Variants in GRID2 observed in about 807,000 individuals in gnomAD.
GRID2 encodes the protein glutamate ionotropic receptor delta type subunit 2.
Under a neutral mutation model 114.8 loss-of-function variants are expected in GRID2, and 33 were observed. The observed-to-expected ratio is 0.29, with a 90% CI of 0.22 to 0.38. GRID2 has a LOEUF of 0.38. GRID2 is among the 10% of genes least tolerant of loss of function. The pLI is 1.00. For synonymous variants in GRID2, 505 were observed against 449.9 expected, an observed-to-expected ratio of 1.12 and a Z score of -1.55; for missense variants, 1,184 against 1,257.7, an observed-to-expected ratio of 0.94 and a Z score of 0.89.
chr4:93,651,809 T>G (rs1426129881), intron 14 of GRID2, among the ~76,000 whole-genome samples: 1 of 152,168 alleles, frequency 6.6e-6, no homozygotes, highest in African/African-American at 2.4e-5. Context: ...AACCACCTAC[T>G]AAATGCCAGA....
intron 14 of GRID2, among the ~76,000 whole-genome samples, chr4:93,675,356 A>G (rs1020390201): frequency 1.3e-5 from 2 of 152,176 alleles, no homozygotes; most frequent in Non-Finnish European, 2.9e-5. Context: ...CATAATAGTA[A>G]CTTGTGAGTA....
chr4:92,326,028 CTT>C (rs1726578782), intron 1 of GRID2, among the ~76,000 whole-genome samples: 1 of 151,592 alleles, frequency 6.6e-6, no homozygotes, highest in East Asian at 1.9e-4. Flanking sequence ...GAAAAGTATG[CTT>C]ACATGAAAAA....
At position 93,024,928 on chromosome 4, in the gene GRID2, T is replaced by C. The variant is rs189990829; in HGVS notation, c.245-60067T>C. Among the ~76,000 whole-genome samples the C allele has an allele frequency of 2.2e-4, 34 of 151,890 alleles. No individual in the cohort carries two copies. The East Asian group carries it at 6.0e-3, about 27-fold the overall frequency. On this transcript the variant is annotated intron_variant, in intron 2 of 15. Transcript: ENST00000282020. ...GAGAAAAAAGAGAAGACCAGCTGTT[T>C]TATCTCTGTGAAGCAGAGAAATGAT...
intron 2 of GRID2, among the ~76,000 whole-genome samples, chr4:92,612,800 A>C (rs996388383): frequency 1.3e-5 from 2 of 151,344 alleles, no homozygotes; most frequent in Non-Finnish European, 3.0e-5. Flanking sequence ...GCCATGAGGA[A>C]CTCAATTGTT....
At chr4:93,280,694 T>A (rs1238011768) in intron 8 of GRID2, among the ~76,000 whole-genome samples, 1 of 151,994 alleles carries the variant, frequency 6.6e-6, no homozygotes. Context: ...TAATCCTGAT[T>A]ATGGGAAACA....
At chr4:92,391,273 C>G (rs1394863716) in intron 1 of GRID2, among the ~76,000 whole-genome samples, 1 of 152,036 alleles carries the variant, frequency 6.6e-6, no homozygotes, top group Non-Finnish European at 1.5e-5. Flanking sequence ...GTTAAACTTC[C>G]AAGGCTCTTT....
At chr4:93,646,094 AACAAGACTG>A (rs1289231526) in intron 14 of GRID2, among the ~76,000 whole-genome samples, 3 of 152,212 alleles carry the variant, frequency 2.0e-5, no homozygotes, top group Non-Finnish European at 4.4e-5. Context: ...TAAAACAGTG[AACAAGACTG>A]ACAAGATTAT....
intron 2 of GRID2, among the ~76,000 whole-genome samples, chr4:93,000,328 C>G (rs1378717118): frequency 2.6e-5 from 4 of 151,578 alleles, no homozygotes; most frequent in Non-Finnish European, 5.9e-5. Flanking sequence ...AATCTGACAT[C>G]AGATTTTCAA....
chr4:93,590,266 T>C (rs1474940516), intron 13 of GRID2, among the ~76,000 whole-genome samples: 4 of 150,652 alleles, frequency 2.7e-5, no homozygotes, highest in Non-Finnish European at 1.5e-5. Flanking sequence ...TTCAGCTTTC[T>C]ACATATGGCT....
chr4:92,507,353 G>T (rs1483662413), intron 1 of GRID2, among the ~76,000 whole-genome samples: 10 of 151,556 alleles, frequency 6.6e-5, no homozygotes, highest in Non-Finnish European at 1.5e-4. Flanking sequence ...CATTGAAAAT[G>T]AAAAATTATA....
chr4:93,803,807 T>C (rs1004998129), intron 1 of GRID2, among the ~76,000 whole-genome samples: 4 of 152,230 alleles, frequency 2.6e-5, no homozygotes, highest in African/African-American at 9.6e-5. Context: ...TAAAATTGCT[T>C]ACCTTTTTCT....
Position 93,146,377 on chromosome 4 carries a change from A to G in GRID2, c.735+35424A>G, listed in dbSNP as rs74909036. Among the ~76,000 whole-genome samples the G allele has an allele frequency of 2.0e-3, 303 of 152,306 alleles. 1 individual carries two copies. The highest frequency in any genetic ancestry group is 6.7e-3 in the African/African-American group (277 of 41,562). ...ATTCAATTTTGATAAAAATTGAGTCAATGATGAAAGCGCATCCTGTAAGCT... is the reference window on the plus strand; with the variant it reads ...ATTCAATTTTGATAAAAATTGAGTCGATGATGAAAGCGCATCCTGTAAGCT... On this transcript the variant is annotated intron_variant, in intron 4 of 15. Transcript: ENST00000282020.
At chr4:93,440,667 T>G (rs1193055750) in intron 10 of GRID2, among the ~76,000 whole-genome samples, 1 of 152,100 alleles carries the variant, frequency 6.6e-6, no homozygotes, top group African/African-American at 2.4e-5. Flanking sequence ...TATTTGTTGT[T>G]GATAAGGAAG....
rs139231359 is a variant in GRID2, at chr4:92,868,601, A to G, written c.245-216394A>G. 3.8e-3 allele frequency among the ~76,000 whole-genome samples: 581 copies of G among 152,240 alleles called. 2 individuals are homozygous for G. The highest frequency in any genetic ancestry group is 0.014 in the African/African-American group (563 of 41,570). On this transcript the variant is annotated intron_variant, in intron 2 of 15. Coordinates refer to ENST00000282020, the MANE Select transcript of GRID2 (RefSeq NM_001510.4). Reference sequence around the variant, plus strand: ...AATCAGTATGTTGACATTATTTGTGACTAGTTTCTAAATTGTGCCATCTTT... The same window carrying G: ...AATCAGTATGTTGACATTATTTGTGGCTAGTTTCTAAATTGTGCCATCTTT...
intron 3 of GRID2, among the ~76,000 whole-genome samples, chr4:93,103,261 C>T (rs968253172): frequency 6.6e-6 from 1 of 152,046 alleles, no homozygotes; most frequent in African/African-American, 2.4e-5. Flanking sequence ...CGTAGCCTCC[C>T]TCTGCTGGCT....
intron 2 of GRID2, among the ~76,000 whole-genome samples, chr4:93,002,774 A>T (rs1721135488): frequency 6.6e-6 from 1 of 151,818 alleles, no homozygotes; most frequent in Non-Finnish European, 1.5e-5. Context: ...TCTGTGGCAT[A>T]AAACAGTGCT....
intron 13 of GRID2, among the ~76,000 whole-genome samples, chr4:93,592,435 T>A (rs988415485): frequency 3.3e-4 from 50 of 152,218 alleles, no homozygotes; most frequent in African/African-American, 1.1e-3. Flanking sequence ...TTTGTTATAA[T>A]TTCTGTTCTT....
rs1561086976 is a variant in GRID2 at position 93,286,692 on chromosome 4, G to GTGTGTGT, written c.1245+48202_1245+48203insTGTGTGT. 2.1e-3 allele frequency among the ~76,000 whole-genome samples: 299 copies of GTGTGTGT among 141,436 alleles called. 4 individuals are homozygous for GTGTGTGT. The highest frequency in any genetic ancestry group is 8.6e-3 in the African/African-American group (285 of 33,264). The allele number at this position is 141,436 out of a possible 152,430, so 92.8% of individuals were successfully genotyped here. A position where few individuals can be genotyped will look rare whatever the true frequency, so the allele number is the denominator to read the frequency against. On this transcript the variant is annotated intron_variant, in intron 8 of 15. Coordinates refer to ENST00000282020, the MANE Select transcript of GRID2 (RefSeq NM_001510.4). Reference sequence around the variant, plus strand: ...GCTTTTGTGTATGTGTGTGTGTGTGGGGGTGTGTGTGTGTGTGTGTGTGTG... The same window carrying GTGTGTGT: ...GCTTTTGTGTATGTGTGTGTGTGTGGTGTGTGTGGGTGTGTGTGTGTGTGTGTGTGTG...
chr4:93,579,052 AT>A (rs539665402), intron 13 of GRID2, among the ~76,000 whole-genome samples: 12 of 150,092 alleles, frequency 8.0e-5, no homozygotes, highest in African/African-American at 9.8e-5. Context: ...ATCCAAATCA[AT>A]TTTTTTTTTA....
Sources: allele counts gnomAD v4.1 joint callset (sites outside exome capture counted in the v4.1 genomes callset), GRCh38; gene constraint gnomAD v4.1.1; transcripts MANE v1.5; gene names NCBI Gene and HGNC (gene_info 2026-07-23, HGNC 2026-07-21).